The following CCDC178 variants were observed in gnomAD, a reference collection of about 807,000 sequenced individuals.
CCDC178 encodes the protein coiled-coil domain containing 178, also known as coiled-coil domain-containing protein 178.
CCDC178 carries 126 observed loss-of-function variants against 117.4 expected under a neutral mutation model. The ratio of observed to expected loss-of-function variants is 1.07; its 90% CI spans 0.93 to 1.24. The LOEUF (loss-of-function observed/expected upper bound fraction) is 1.24, where lower values mean the gene tolerates loss of function less well. Among genes scored for constraint, CCDC178 ranks in the 50% most tolerant of loss-of-function variants. The probability of loss-of-function intolerance (pLI) is 0.00; values close to 1 mark genes in which losing one functional copy is unlikely to be tolerated. For missense variants in CCDC178, 1,030 were observed against 986.9 expected, an observed-to-expected ratio of 1.04 and a Z score of -0.59; for synonymous variants, 283 against 313.4, an observed-to-expected ratio of 0.90 and a Z score of 1.02.
At chr18:32,987,892 G>A (rs2055296428) in intron 21 of CCDC178, among the ~76,000 whole-genome samples, 1 of 150,804 alleles carries the variant, frequency 6.6e-6, no homozygotes, top group Admixed American at 6.6e-5. Flanking sequence ...GAGGCCAAGA[G>A]TTTGAGACCA....
chr18:33,290,103 G>A (rs1239680015), intron 12 of CCDC178, among the ~76,000 whole-genome samples: 2 of 152,118 alleles, frequency 1.3e-5, no homozygotes, highest in African/African-American at 4.8e-5. Flanking sequence ...TGATAGAAGT[G>A]TCAGAAAATA....
chr18:33,260,335 A>G (rs181566499), intron 14 of CCDC178, among the ~76,000 whole-genome samples: 1 of 152,150 alleles, frequency 6.6e-6, no homozygotes, highest in Non-Finnish European at 1.5e-5. Context: ...CTACTCGTTC[A>G]TGATTACTAC....
intron 20 of CCDC178, among the ~76,000 whole-genome samples, chr18:33,153,530 C>T (rs537348074): frequency 1.8e-4 from 27 of 152,094 alleles, no homozygotes; most frequent in Admixed American, 1.3e-4. Flanking sequence ...CTTTGAAAAG[C>T]TCTGGCCAAA....
chr18:33,004,576 A>G (rs534523691), intron 21 of CCDC178, among the ~76,000 whole-genome samples: 24 of 152,098 alleles, frequency 1.6e-4, no homozygotes, highest in Admixed American at 3.3e-4. Context: ...CTTGAGTGAT[A>G]CCCCACAAGC....
intron 11 of CCDC178, among the ~76,000 whole-genome samples, chr18:33,298,502 T>C (rs191480766): frequency 3.9e-5 from 6 of 152,262 alleles, no homozygotes; most frequent in Admixed American, 2.0e-4. Context: ...GGGCCATATA[T>C]GACAAAACCA....
intron 19 of CCDC178, 139 bp from the exon 20 acceptor site, chr18:33,212,194 TTTTTCTCAAGGTCTAC>T (rs2059116630): frequency 3.4e-6 from 2 of 582,478 alleles, no homozygotes; most frequent in Non-Finnish European, 5.7e-6. Flanking sequence ...AATTCCCTGG[TTTTTCTCAAGGTCTAC>T]TTCCATAGGG....
intron 18 of CCDC178, among the ~76,000 whole-genome samples, chr18:33,219,712 G>A (rs187105019): frequency 1.8e-3 from 275 of 152,094 alleles, no homozygotes; most frequent in Non-Finnish European, 3.2e-3. Flanking sequence ...ACTCATAGGT[G>A]GGAATTGAAC....
At chr18:32,946,940 C>T (rs895301027) in intron 22 of CCDC178, among the ~76,000 whole-genome samples, 2 of 151,812 alleles carry the variant, frequency 1.3e-5, no homozygotes, top group African/African-American at 4.8e-5. Flanking sequence ...CCACCACGCC[C>T]GGCTAATTTT....
At chr18:33,401,660 C>A (rs2063711260) in intron 3 of CCDC178, among the ~76,000 whole-genome samples, 1 of 151,718 alleles carries the variant, frequency 6.6e-6, no homozygotes, top group African/African-American at 2.4e-5. Flanking sequence ...AACATTTAGT[C>A]ATGCGTTTAG....
intron 21 of CCDC178, among the ~76,000 whole-genome samples, chr18:33,024,562 T>C (rs1183266757): frequency 1.3e-5 from 2 of 152,180 alleles, no homozygotes; most frequent in East Asian, 3.8e-4. Flanking sequence ...CTGTTAGAAC[T>C]TCAACAATGA....
chr18:33,334,143 A>G (rs181165807), intron 9 of CCDC178, among the ~76,000 whole-genome samples: 2 of 152,298 alleles, frequency 1.3e-5, no homozygotes, highest in East Asian at 3.9e-4. Context: ...ATTATTACAA[A>G]TAACATAGTT....
In CCDC178 at chr18:33,356,851, T is replaced by C. The variant is rs138542486; in HGVS notation, c.349-505A>G. ...AACAGTCCTGCAAAACCGTCTCTTG[T>C]GGCAGAAGTTTGCATTCTGTAGAGA... On this transcript the variant is annotated intron_variant, in intron 6 of 22. Transcript: ENST00000383096. Among the ~76,000 whole-genome samples the C allele has an allele frequency of 1.8e-3, 268 of 152,284 alleles. 1 individual carries two copies. The highest frequency in any genetic ancestry group is 6.1e-3 in the African/African-American group (253 of 41,572).
chr18:33,228,862 T>C (rs947435044), intron 15 of CCDC178, among the ~76,000 whole-genome samples: 29 of 152,154 alleles, frequency 1.9e-4, no homozygotes, highest in Admixed American at 1.7e-3. Flanking sequence ...CCCAAAGCAC[T>C]GGGAAAATGC....
chr18:33,429,026 G>GAA lies in CCDC178; in HGVS notation c.-23+10934_-23+10935dup, dbSNP rs11381656. On this transcript the variant is annotated intron_variant, in intron 2 of 22. Coordinates refer to ENST00000383096, the MANE Select transcript of CCDC178 (RefSeq NM_001105528.4). Reference sequence around the variant, plus strand: ...ATCAAATAGATTAAAAGTTTAAAAGGAAAAAAAAAAACAAGAGAAATATGA... The same window carrying GAA: ...ATCAAATAGATTAAAAGTTTAAAAGGAAAAAAAAAAAAACAAGAGAAATATGA... 3.1e-3 allele frequency among the ~76,000 whole-genome samples: 447 copies of GAA among 144,976 alleles called. 1 individual carries two copies. Among genetic ancestry groups the GAA allele is most frequent in the African/African-American group, 5.1e-3 (201 of 39,670 alleles).
At chr18:33,350,290 CAA>C (rs1432962109) in intron 7 of CCDC178, among the ~76,000 whole-genome samples, 1 of 151,892 alleles carries the variant, frequency 6.6e-6, no homozygotes, top group East Asian at 1.9e-4. Flanking sequence ...TTAATTGAGC[CAA>C]AGTCTCATAA....
intron 21 of CCDC178, among the ~76,000 whole-genome samples, chr18:33,029,120 A>C (rs1490127736): frequency 1.3e-5 from 2 of 151,944 alleles, no homozygotes; most frequent in Non-Finnish European, 2.9e-5. Flanking sequence ...ACCTGTGGTA[A>C]AATTCACCAG....
intron 20 of CCDC178, among the ~76,000 whole-genome samples, chr18:33,165,914 T>C (rs538524374): frequency 8.5e-5 from 13 of 152,324 alleles, no homozygotes; most frequent in South Asian, 4.1e-4. Context: ...AAAAAGCAAT[T>C]ATTTTTGCAC....
intron 5 of CCDC178, among the ~76,000 whole-genome samples, chr18:33,377,737 T>A (rs2063384372): frequency 6.6e-6 from 1 of 152,212 alleles, no homozygotes. Flanking sequence ...TTGTTGACTT[T>A]GACAAAAATG....
intron 20 of CCDC178, among the ~76,000 whole-genome samples, chr18:33,163,620 T>C (rs536612488): frequency 3.5e-4 from 53 of 152,320 alleles, no homozygotes; most frequent in African/African-American, 1.2e-3. Context: ...AGTACCCCCT[T>C]TTTCTAAGAA....
Sources: allele counts gnomAD v4.1 joint callset (sites outside exome capture counted in the v4.1 genomes callset), GRCh38; gene constraint gnomAD v4.1.1; transcripts MANE v1.5; gene names NCBI Gene and HGNC (gene_info 2026-07-23, HGNC 2026-07-21).